The following GLI2 variants were observed in gnomAD, a reference collection of about 807,000 sequenced individuals.
GLI2 encodes the protein transcription activator GLI2.
In GLI2, 22 loss-of-function variants were observed where a neutral mutation model predicts 78.9. That is an observed-to-expected ratio of 0.28 (90% CI 0.20 to 0.40). The LOEUF is 0.40. Ranked by LOEUF, GLI2 falls within the 10% of genes least tolerant of loss-of-function variation. The pLI is 1.00. For missense variants in GLI2, 2,097 were observed against 2,213.2 expected, an observed-to-expected ratio of 0.95 and a Z score of 1.05; for synonymous variants, 974 against 963.7, an observed-to-expected ratio of 1.01 and a Z score of -0.20.
At chr2:120,904,902 G>A (rs1287499280) in intron 2 of GLI2, among the ~76,000 whole-genome samples, 1 of 152,232 alleles carries the variant, frequency 6.6e-6, no homozygotes, top group Non-Finnish European at 1.5e-5. Context: ...AAGGGAGGGA[G>A]TTTGGCTGGT....
intron 2 of GLI2, among the ~76,000 whole-genome samples, chr2:120,829,834 G>A (rs558879426): frequency 5.1e-4 from 78 of 152,308 alleles, no homozygotes; most frequent in African/African-American, 1.8e-3. Context: ...AGGGCTGGGG[G>A]CACTCAGAGG....
At chr2:120,978,995 GT>G (rs965545354) in intron 10 of GLI2, among the ~76,000 whole-genome samples, 3 of 152,168 alleles carry the variant, frequency 2.0e-5, no homozygotes, top group African/African-American at 7.2e-5. Context: ...ATGGTTGAGG[GT>G]TTTTTTGTTT....
At chr2:120,795,250 G>A (rs115695160) in intron 1 of GLI2, among the ~76,000 whole-genome samples, 2,429 of 151,436 alleles carry the variant, frequency 0.016, 33 homozygotes, top group Non-Finnish European at 0.023. Flanking sequence ...GGCTGGGCTC[G>A]TTGGCTCACG....
At chr2:120,780,063 C>CT (rs58187414) in intron 1 of GLI2, among the ~76,000 whole-genome samples, 83 of 145,946 alleles carry the variant, frequency 5.7e-4, no homozygotes, top group South Asian at 6.6e-4. Flanking sequence ...GGTTGTGTTT[C>CT]TTTTTTTTTT....
chr2:120,924,663 A>G (rs1259776128), intron 2 of GLI2, among the ~76,000 whole-genome samples: 1 of 152,158 alleles, frequency 6.6e-6, no homozygotes, highest in Non-Finnish European at 1.5e-5. Flanking sequence ...GAAAGCGAAC[A>G]CTGTTTCCCT....
Position 120,979,440 on chromosome 2 carries a change from C to T in GLI2, c.1467+857C>T, listed in dbSNP as rs539555463. 3.3e-3 allele frequency among the ~76,000 whole-genome samples: 496 copies of T among 152,264 alleles called. 2 individuals carry two copies. Among genetic ancestry groups the T allele is most frequent in the Non-Finnish European group, 5.6e-3 (384 of 68,022 alleles). On this transcript the variant is annotated intron_variant, in intron 10 of 13. Coordinates refer to ENST00000361492, the MANE Select transcript of GLI2 (RefSeq NM_001374353.1). ...CTGTAGCTGAAACATCTGGGAACTC[C>T]TTTTTGTGAATTCTTGTTTCATAGA...
chr2:120,740,608 G>GC (rs1447015218), intron 1 of GLI2, among the ~76,000 whole-genome samples: 7 of 152,206 alleles, frequency 4.6e-5, no homozygotes, highest in African/African-American at 1.4e-4. Context: ...TTCTTCTGCA[G>GC]CCCCGAGCTC....
intron 9 of GLI2, among the ~76,000 whole-genome samples, chr2:120,977,673 G>A (rs911022348): frequency 3.3e-5 from 5 of 152,196 alleles, no homozygotes; most frequent in East Asian, 1.9e-4. Flanking sequence ...AGCCTTACCC[G>A]AGATACGCGG....
At chr2:120,797,621 C>T (rs570380757) in intron 2 of GLI2, among the ~76,000 whole-genome samples, 153 bp downstream of exon 2, 7 of 152,030 alleles carry the variant, frequency 4.6e-5, no homozygotes, top group African/African-American at 1.7e-4. Flanking sequence ...GAATCCCAGG[C>T]ACCATGAAGG....
intron 2 of GLI2, among the ~76,000 whole-genome samples, chr2:120,846,935 G>T (rs183276720): frequency 1.3e-3 from 193 of 152,362 alleles, no homozygotes; most frequent in African/African-American, 4.3e-3. Context: ...GCTCCTGGGA[G>T]CAAGCATGGG....
At chr2:120,743,787 C>T (rs990003826) in intron 1 of GLI2, among the ~76,000 whole-genome samples, 31 of 152,234 alleles carry the variant, frequency 2.0e-4, no homozygotes, top group Non-Finnish European at 3.7e-4. Context: ...CTCTCAGGTC[C>T]TCCCAGCTTC....
chr2:120,802,865 G>A (rs1164950725), intron 2 of GLI2, among the ~76,000 whole-genome samples: 2 of 152,240 alleles, frequency 1.3e-5, no homozygotes, highest in Non-Finnish European at 2.9e-5. Context: ...GGCCGCACCA[G>A]CAACATCAGC....
intron 1 of GLI2, among the ~76,000 whole-genome samples, chr2:120,766,265 C>A (rs756041222): frequency 6.6e-6 from 1 of 152,224 alleles, no homozygotes; most frequent in Non-Finnish European, 1.5e-5. Context: ...AGCAGGCAAG[C>A]GCGTCACTTC....
intron 2 of GLI2, among the ~76,000 whole-genome samples, chr2:120,917,998 A>C (rs1480655061): frequency 6.6e-6 from 1 of 152,172 alleles, no homozygotes; most frequent in Non-Finnish European, 1.5e-5. Context: ...TAATTTATAG[A>C]AGATCTTTCC....
At chr2:120,889,627 A>G (rs1044074128) in intron 2 of GLI2, among the ~76,000 whole-genome samples, 2 of 152,174 alleles carry the variant, frequency 1.3e-5, no homozygotes, top group African/African-American at 4.8e-5. Flanking sequence ...CTCAAAACTC[A>G]ACAGTAAAAA....
At chr2:120,898,683 TC>T (rs1216352143) in intron 2 of GLI2, among the ~76,000 whole-genome samples, 6 of 152,152 alleles carry the variant, frequency 3.9e-5, no homozygotes, top group Non-Finnish European at 8.8e-5. Context: ...GTTTCTAGTC[TC>T]CTCTGGATGA....
intron 9 of GLI2, 107 bp from the exon 10 acceptor site, chr2:120,978,327 T>G: frequency 8.4e-7 from 1 of 1,192,572 alleles, no homozygotes; most frequent in Non-Finnish European, 1.2e-6. Context: ...TGCACACAGG[T>G]CGGGGAGGGC....
At chr2:120,827,043 C>A (rs914166105) in intron 2 of GLI2, among the ~76,000 whole-genome samples, 1 of 152,162 alleles carries the variant, frequency 6.6e-6, no homozygotes, top group Non-Finnish European at 1.5e-5. Context: ...ACTGCTGTGT[C>A]CCCAGCTCCT....
chr2:120,757,761 T>G (rs755781065), intron 1 of GLI2, among the ~76,000 whole-genome samples: 23 of 152,188 alleles, frequency 1.5e-4, no homozygotes, highest in Non-Finnish European at 2.9e-5. Context: ...TCCACCAAGC[T>G]CTGCCTGGTT....
Sources: allele counts gnomAD v4.1 joint callset (sites outside exome capture counted in the v4.1 genomes callset), GRCh38; gene constraint gnomAD v4.1.1; transcripts MANE v1.5; gene names NCBI Gene and HGNC (gene_info 2026-07-23, HGNC 2026-07-21).